Variants in CHST15 observed in about 807,000 individuals in gnomAD.
CHST15 encodes B cell RAG associated protein (GALNAC4S-6ST).
A neutral mutation model predicts 53.6 loss-of-function variants in CHST15; 30 were observed. That is an observed-to-expected ratio of 0.56 (90% CI 0.42 to 0.76). CHST15 has a LOEUF of 0.76. CHST15 is among the 30% of genes least tolerant of loss of function. The pLI, the probability that CHST15 is intolerant of heterozygous loss-of-function variation, is 0.00. For synonymous variants in CHST15, 296 were observed against 289.8 expected, an observed-to-expected ratio of 1.02 and a Z score of -0.22; for missense variants, 627 against 740.5, an observed-to-expected ratio of 0.85 and a Z score of 1.78.
In CHST15 at chr10:124,024,730, G is replaced by T. The variant is rs1023317160; in HGVS notation, c.1191-3318C>A. On this transcript the variant is annotated intron_variant, in intron 5 of 7. Transcript: ENST00000435907. This position sits in a 1 kb window ranked among gnomAD's most constrained non-coding sequence, Gnocchi z 4.0. ...GCTCATGGTTACTATGACCTAAATG[G>T]CTGGTCAATAAGTGCCAAAATCAGA... 5.3e-5 allele frequency among the ~76,000 whole-genome samples: 8 copies of T among 152,200 alleles called. No homozygotes were observed. The highest frequency in any genetic ancestry group is 1.9e-4 in the African/African-American group (8 of 41,448).
chr10:124,075,870 G>C (rs1949058820), intron 1 of CHST15, among the ~76,000 whole-genome samples: 1 of 152,202 alleles, frequency 6.6e-6, no homozygotes, highest in Non-Finnish European at 1.5e-5. Flanking sequence ...TCTTGCTCCA[G>C]GGAGAGATGC....
intron 1 of CHST15, among the ~76,000 whole-genome samples, chr10:124,067,447 C>T (rs917944656): frequency 5.9e-5 from 9 of 152,328 alleles, no homozygotes; most frequent in Non-Finnish European, 1.3e-4. Context: ...AACCTCTCAT[C>T]TCCCAGATAA....
intron 5 of CHST15, among the ~76,000 whole-genome samples, chr10:124,038,232 G>A (rs767756773): frequency 1.3e-5 from 2 of 151,788 alleles, no homozygotes; most frequent in East Asian, 1.9e-4. Context: ...TCAGCCTCCC[G>A]AGTAGCTGGG....
rs185423130 is a variant in CHST15 at position 124,022,179 on chromosome 10, C to G, written c.1191-767G>C. Reference sequence around the variant, plus strand: ...CCATCTCTGCACCACCCTATTTTAGCAAGAATCCTGCTGTTAAATAAAATG... The same window carrying G: ...CCATCTCTGCACCACCCTATTTTAGGAAGAATCCTGCTGTTAAATAAAATG... On this transcript the variant is annotated intron_variant, in intron 5 of 7. Transcript: ENST00000435907. Among the ~76,000 whole-genome samples the G allele has an allele frequency of 1.8e-4, 28 of 152,300 alleles. 1 individual carries two copies. Among genetic ancestry groups the G allele is most frequent in the African/African-American group, 6.7e-4 (28 of 41,564 alleles).
chr10:124,047,245 T>C lies in CHST15; in HGVS notation c.-512-521A>G, dbSNP rs190086784. On this transcript the variant is annotated intron_variant, in intron 1 of 7. Transcript: ENST00000435907. ...GCATCAGCAGTCTCTTTCTTAGAGT[T>C]AACCTTTATTATCAGATTAGGAAGC... Among the ~76,000 whole-genome samples the C allele has an allele frequency of 1.2e-4, 19 of 152,360 alleles. No homozygotes were observed. In the East Asian group the frequency reaches 3.3e-3, roughly 26 times the overall value.
At chr10:124,073,992 AC>A (rs1320076247) in intron 1 of CHST15, among the ~76,000 whole-genome samples, 2 of 152,162 alleles carry the variant, frequency 1.3e-5, no homozygotes, top group Non-Finnish European at 2.9e-5. Flanking sequence ...CTTGGCAGCA[AC>A]CTACGGGCTA....
In CHST15 at chr10:124,046,283, C is replaced by A. The variant is rs1016149387; in HGVS notation, c.-71G>T. On this transcript the variant is annotated 5_prime_UTR_variant, in exon 2 of 8. Coordinates refer to ENST00000435907, the MANE Select transcript of CHST15 (RefSeq NM_001270764.2). ...GGCCCCCCACGAGTCTGGATGTCCG[C>A]AAGTCGTGCTAGAAAACCTTAAGAA... The A allele has an allele frequency of 4.9e-5, 70 of 1,438,376 alleles. No individual in the cohort carries two copies. In the Middle Eastern group the frequency reaches 1.5e-3, roughly 32 times the overall value. 89.1% of individuals were successfully genotyped at this position (1,438,376 alleles called of 1,614,324 possible). A position where few individuals can be genotyped will look rare whatever the true frequency, so the allele number is the denominator to read the frequency against.
Position 124,007,856 on chromosome 10 carries a change from A to G in CHST15, c.*2293T>C, listed in dbSNP as rs28435845. On this transcript the variant is annotated 3_prime_UTR_variant, in exon 8 of 8. Coordinates refer to ENST00000435907, the MANE Select transcript of CHST15 (RefSeq NM_001270764.2). The stretch of plus-strand genomic sequence containing the variant: ...AAAGGAACTTCAATACCATGTTGTG[A>G]GAAATGCTCCAATTTGCTTTGGTTT... The G allele has an allele frequency of 7.0e-3, 8,630 of 1,232,150 alleles. 248 individuals carry two copies. In the African/African-American group the frequency reaches 0.074, roughly 11 times the overall value. 76.3% of individuals were successfully genotyped at this position (1,232,150 alleles called of 1,614,324 possible).
At chr10:124,011,001 G>A in intron 7 of CHST15, 3 of 982,882 alleles carry the variant, frequency 3.1e-6, no homozygotes, top group Non-Finnish European at 3.6e-6. Flanking sequence ...CCTGGAACAG[G>A]CTGGCAGAGG....
At position 124,044,670 on chromosome 10, in the gene CHST15, T is replaced by C; in HGVS notation, c.796A>G (p.Thr266Ala). The change falls in exon 3 of 8, where the codon ACC (threonine) becomes GCC (alanine). Residue 266 changes from threonine (T) to alanine (A), a missense_variant. Thr to Ala is a moderately conservative substitution (Grantham distance 58, BLOSUM62 0). Around this residue, in one of 3 missense-constraint regions of CHST15, gnomAD observed 161 missense variants for 117.2 expected, o/e 1.37. Transcript: ENST00000435907. ...FYIIGQPKCG[T>A]TDLYDRLRLH... ...CGCAGGCGGTCATAGAGGTCTGTGGTCCCGCACTTGGGCTGCCCTATGATG... is the reference window on the plus strand; with the variant it reads ...CGCAGGCGGTCATAGAGGTCTGTGGCCCCGCACTTGGGCTGCCCTATGATG... 6.2e-7 allele frequency: 1 copy of C among 1,613,400 alleles called. No homozygotes were observed. Among genetic ancestry groups the C allele is most frequent in the Non-Finnish European group, 8.5e-7 (1 of 1,179,678 alleles).
Position 124,086,287 on chromosome 10 carries a change from G to A in CHST15, c.-513+7182C>T, listed in dbSNP as rs554063393. ...TGCCATTGACCACCCTCCAACCGTG[G>A]GCCGGGCACGGAGCCCAGCACATCA... On this transcript the variant is annotated intron_variant, in intron 1 of 7. Coordinates refer to ENST00000435907, the MANE Select transcript of CHST15 (RefSeq NM_001270764.2). Among the ~76,000 whole-genome samples the A allele has an allele frequency of 9.5e-4, 144 of 152,266 alleles. 2 individuals are homozygous for A. Among genetic ancestry groups the A allele is most frequent in the African/African-American group, 3.4e-3 (143 of 41,550 alleles).
intron 1 of CHST15, among the ~76,000 whole-genome samples, chr10:124,089,146 C>A (rs1442335553): frequency 6.6e-6 from 1 of 152,220 alleles, no homozygotes; most frequent in Non-Finnish European, 1.5e-5. Context: ...AACTTAATCT[C>A]ATACCTGAGC....
At chr10:124,018,537 C>T (rs578174967) in intron 6 of CHST15, among the ~76,000 whole-genome samples, 5 of 152,302 alleles carry the variant, frequency 3.3e-5, no homozygotes, top group East Asian at 1.9e-4. Flanking sequence ...TCTGTGCCCC[C>T]GGATCTTCAG....
chr10:124,023,347 G>C (rs562234904), intron 5 of CHST15, among the ~76,000 whole-genome samples: 1 of 151,896 alleles, frequency 6.6e-6, no homozygotes, highest in African/African-American at 2.4e-5. Context: ...TTAGCCAGGC[G>C]TGGTGGTGCG....
intron 1 of CHST15, among the ~76,000 whole-genome samples, chr10:124,057,716 G>GT (rs1948429764): frequency 6.6e-6 from 1 of 152,210 alleles, no homozygotes; most frequent in Non-Finnish European, 1.5e-5. Context: ...AACAAGCGTG[G>GT]TAACAACAGC....
At chr10:124,062,602 A>G (rs1948616488) in intron 1 of CHST15, among the ~76,000 whole-genome samples, 1 of 152,142 alleles carries the variant, frequency 6.6e-6, no homozygotes, top group African/African-American at 2.4e-5. Context: ...ACTGCTCAAC[A>G]AACGGCAACC....
intron 1 of CHST15, among the ~76,000 whole-genome samples, chr10:124,077,408 G>A (rs760804134): frequency 2.6e-5 from 4 of 152,136 alleles, no homozygotes; most frequent in Admixed American, 6.5e-5. Flanking sequence ...AACTCATCAC[G>A]CTAATGTGAT....
chr10:124,055,296 T>C (rs1274654405), intron 1 of CHST15, among the ~76,000 whole-genome samples: 2 of 152,160 alleles, frequency 1.3e-5, no homozygotes, highest in Non-Finnish European at 2.9e-5. Context: ...CTTTTGTTTG[T>C]CTGCCTGGTG....
chr10:124,010,128 CG>C lies in CHST15; in HGVS notation c.*20del, dbSNP rs1366146097. 1.2e-6 allele frequency: 2 copies of C among 1,611,382 alleles called. No homozygotes were observed. Among genetic ancestry groups the C allele is most frequent in the African/African-American group, 2.7e-5 (2 of 74,874 alleles). ...GATGACGGCATTGGCGGGCCCAGCA[CG>C]TGCAGCAACAATTCAGCTCTCACGT... On this transcript the variant is annotated 3_prime_UTR_variant, in exon 8 of 8. Coordinates refer to ENST00000435907, the MANE Select transcript of CHST15 (RefSeq NM_001270764.2).
Sources: allele counts gnomAD v4.1 joint callset (sites outside exome capture counted in the v4.1 genomes callset), GRCh38; gene constraint gnomAD v4.1.1; regional missense constraint gnomAD v4.1.1; non-coding constraint Gnocchi (gnomAD v3.1); transcripts MANE v1.5; gene names NCBI Gene and HGNC (gene_info 2026-07-23, HGNC 2026-07-21).